ZNF658: variants seen among roughly 807,000 people sequenced by gnomAD.
ZNF658 encodes the protein zinc finger protein 658.
A neutral mutation model predicts 78.0 loss-of-function variants in ZNF658; 46 were observed. That is an observed-to-expected ratio of 0.59 (90% CI 0.47 to 0.75). The LOEUF (loss-of-function observed/expected upper bound fraction) is 0.75. Among genes scored for constraint, ZNF658 ranks in the 30% least tolerant of loss-of-function variants. The pLI is 0.00. For synonymous variants in ZNF658, 279 were observed against 408.4 expected (o/e 0.68, Z 3.82); for missense variants, 785 against 1,189.3 (o/e 0.66, Z 5.00).
chr9:66,918,550 T>C lies in ZNF658; in HGVS notation c.984T>C (p.Asn328=). 1 of 1,607,762 alleles carries C rather than the reference T, an allele frequency of 6.2e-7. No homozygotes were observed. The highest frequency in any genetic ancestry group is 1.7e-5 in the Admixed American group (1 of 59,782). ...TITGWSAFES[N]KCEENFSQSS... ...CAGGATGGAGTGCTTTTGAAAGCAA[T>C]AAATGTGAAGAAAATTTTAGCCAGA... Residue 328 remains asparagine (N), a synonymous_variant, in exon 5 of 5, where the codon AAT becomes AAC. Coordinates refer to ENST00000621410, the MANE Select transcript of ZNF658 (RefSeq NM_033160.7).
At chr9:66,929,654 C>T (rs1457903552) in intron 6 of ZNF658, among the ~76,000 whole-genome samples, 399 of 146,436 alleles carry the variant, frequency 2.7e-3, no homozygotes, top group African/African-American at 9.7e-3. Flanking sequence ...GGGATTATGA[C>T]AAAACTCTTC....
Position 66,918,486 on chromosome 9 carries a change from G to A in ZNF658, c.920G>A (p.Ser307Asn). Residue 307 changes from serine (S) to asparagine (N), a missense_variant, in exon 5 of 5, where the codon AGT (serine) becomes AAT (asparagine). Transcript: ENST00000621410. ...TGTAATGAAAGGGGGATTAATTTCA[G>A]TAGGAAGTCACCCCTCACTCAATCT... ...YECNERGINF[S>N]RKSPLTQSQR... is the part of the protein sequence containing the mutation. The A allele has an allele frequency of 6.2e-7, 1 of 1,606,994 alleles. No individual in the cohort carries two copies. The highest frequency in any genetic ancestry group is 2.2e-5 in the East Asian group (1 of 44,750).
intron 2 of ZNF658, among the ~76,000 whole-genome samples, chr9:66,907,322 A>C (rs1047662941): frequency 1.3e-5 from 2 of 151,908 alleles, no homozygotes; most frequent in African/African-American, 4.8e-5. Context: ...CAGAACTCTC[A>C]CTGAATCTTC....
intron 2 of ZNF658, among the ~76,000 whole-genome samples, chr9:66,907,291 C>T (rs1002288610): frequency 3.9e-5 from 6 of 152,070 alleles, no homozygotes; most frequent in African/African-American, 1.4e-4. Context: ...ACGAACAGTT[C>T]TAGCTACGTA....
At chr9:66,906,227 C>T (rs78810393) in intron 2 of ZNF658, among the ~76,000 whole-genome samples, 32,989 of 149,378 alleles carry the variant, frequency 0.22, 4,812 homozygotes, top group African/African-American at 0.43. Context: ...CCCATGTTAA[C>T]CTTCACTTCC....
Position 66,908,352 on chromosome 9 carries a change from C to A in ZNF658, c.130C>A (p.Leu44Ile). The stretch of plus-strand genomic sequence containing the variant: ...TGTGATGCTGGAGAACTACAGCCAC[C>A]TCATCTCAGTGGGTGAGCATAGCTT... ...RDVMLENYSH[L>I]ISVGYCITKP... The change falls in exon 3 of 5, where the codon CTC becomes ATC. Residue 44 changes from leucine to isoleucine, a missense_variant. Coordinates refer to ENST00000621410, the MANE Select transcript of ZNF658 (RefSeq NM_033160.7). 7.4e-6 allele frequency: 12 copies of A among 1,614,070 alleles called. No homozygotes were observed. Among genetic ancestry groups the A allele is most frequent in the Non-Finnish European group, 9.3e-6 (11 of 1,179,982 alleles).
Position 66,906,226 on chromosome 9 carries a change from ACCTTCACTT to A in ZNF658, c.16-2000_16-1992del, listed in dbSNP as rs1195006613. On this transcript the variant is annotated intron_variant, in intron 2 of 4. Transcript: ENST00000621410. The stretch of plus-strand genomic sequence containing the variant: ...CCAGGCAATTTATAACCCCATGTTA[ACCTTCACTT>A]CCTTCACTTCCAGTTCACCCCAAAC... Among the ~76,000 whole-genome samples, 4 of 150,086 alleles carry A rather than the reference ACCTTCACTT, an allele frequency of 2.7e-5. No individual in the cohort carries two copies. The South Asian group carries it at 6.3e-4, about 24-fold the overall frequency.
intron 4 of ZNF658, among the ~76,000 whole-genome samples, chr9:66,914,977 G>C (rs1314725330): frequency 2.6e-3 from 362 of 137,528 alleles, no homozygotes; most frequent in South Asian, 6.7e-3. Flanking sequence ...TGTAGGATTG[G>C]TATTATTTCT....
At chr9:66,930,588 T>A (rs1345744470) in intron 6 of ZNF658, among the ~76,000 whole-genome samples, 6 of 151,692 alleles carry the variant, frequency 4.0e-5, no homozygotes, top group Non-Finnish European at 8.8e-5. Context: ...GGCAACCAGA[T>A]CACAAGGTCA....
downstream of ZNF658, among the ~76,000 whole-genome samples, chr9:66,925,240 CATT>C (rs889175498): frequency 2.0e-5 from 3 of 148,114 alleles, no homozygotes; most frequent in African/African-American, 7.5e-5. Context: ...TCTCTCATGA[CATT>C]AGTTGAAAAA....
chr9:66,929,502 G>A (rs1206921246), intron 6 of ZNF658, among the ~76,000 whole-genome samples: 1 of 150,646 alleles, frequency 6.6e-6, no homozygotes, highest in Admixed American at 6.6e-5. Context: ...CTTGTAGACA[G>A]CTATTGAATT....
intron 4 of ZNF658, among the ~76,000 whole-genome samples, chr9:66,915,428 C>T (rs1024815346): frequency 2.0e-5 from 3 of 150,564 alleles, no homozygotes; most frequent in Non-Finnish European, 4.4e-5. Flanking sequence ...GACTAGAATG[C>T]TGTTACAAAA....
rs752648871 is a variant in ZNF658, at chr9:66,918,184, G to A, written c.618G>A (p.Trp206Ter). Residue 206 changes from tryptophan to a stop codon, truncating the protein, a stop_gained, in exon 5 of 5, where the codon TGG becomes TGA. Transcript: ENST00000621410. LOFTEE classifies it high-confidence loss of function. ...KAFSYKKDQH[W>*]KFQTLEESFE... ...TCAGTTATAAGAAAGATCAGCATTG[G>A]AAATTTCAAACTTTGGAGGAATCTT... is the stretch of plus-strand genomic sequence containing the variant. 6 of 1,607,040 alleles carry A rather than the reference G, an allele frequency of 3.7e-6. No homozygotes were observed. Among genetic ancestry groups the A allele is most frequent in the Non-Finnish European group, 5.1e-6 (6 of 1,177,514 alleles).
intron 2 of ZNF658, among the ~76,000 whole-genome samples, chr9:66,904,965 T>G (rs1388822224): frequency 6.6e-6 from 1 of 151,732 alleles, no homozygotes; most frequent in Non-Finnish European, 1.5e-5. Flanking sequence ...TATGATGACT[T>G]GTTTCTCTGT....
chr9:66,907,212 A>G (rs1822099957), intron 2 of ZNF658, among the ~76,000 whole-genome samples: 1 of 152,026 alleles, frequency 6.6e-6, no homozygotes, highest in Non-Finnish European at 1.5e-5. Flanking sequence ...AATTGCTAGT[A>G]ACTCCTAAAT....
At chr9:66,914,505 A>G (rs1236858896) in intron 4 of ZNF658, among the ~76,000 whole-genome samples, 1 of 151,906 alleles carries the variant, frequency 6.6e-6, no homozygotes, top group Non-Finnish European at 1.5e-5. Context: ...AGCTACTGGT[A>G]GTGGGCATCT....
At chr9:66,927,759 A>G (rs1333117763) in intron 6 of ZNF658, among the ~76,000 whole-genome samples, 1 of 150,824 alleles carries the variant, frequency 6.6e-6, no homozygotes, top group East Asian at 1.9e-4. Flanking sequence ...CAGAAAGACA[A>G]ATCCCGTATA....
intron 4 of ZNF658, among the ~76,000 whole-genome samples, chr9:66,910,142 T>TG (rs1371948356): frequency 6.6e-6 from 1 of 152,152 alleles, no homozygotes; most frequent in Non-Finnish European, 1.5e-5. Flanking sequence ...ACAGTTACAC[T>TG]GGGGGTTAGG....
chr9:66,909,809 TAGTC>T (rs1822171028), intron 4 of ZNF658, among the ~76,000 whole-genome samples: 1 of 152,218 alleles, frequency 6.6e-6, no homozygotes, highest in Non-Finnish European at 1.5e-5. Flanking sequence ...ATTTCTGTAT[TAGTC>T]AGCTAGGGCT....
Sources: gnomAD v4.1 joint callset for allele counts (sites outside exome capture counted in the v4.1 genomes callset) on GRCh38, gnomAD v4.1.1 for gene constraint, MANE v1.5 for transcripts, NCBI Gene and HGNC (gene_info 2026-07-23, HGNC 2026-07-21) for gene names.